Variants in ITPR3 observed in about 807,000 individuals in gnomAD.
ITPR3 encodes inositol 1,4,5-trisphosphate-gated calcium channel ITPR3.
ITPR3 carries 173 observed loss-of-function variants against 293.2 expected under a neutral mutation model. The ratio of observed to expected loss-of-function variants is 0.59; its 90% CI spans 0.52 to 0.67. The LOEUF (loss-of-function observed/expected upper bound fraction) is 0.67. ITPR3 is among the 30% of genes least tolerant of loss of function. The pLI, the probability that ITPR3 is intolerant of heterozygous loss-of-function variation, is 0.00. For missense variants in ITPR3, 2,796 were observed against 3,592.1 expected, an observed-to-expected ratio of 0.78 and a Z score of 5.66; for synonymous variants, 1,295 against 1,444.4, an observed-to-expected ratio of 0.90 and a Z score of 2.35.
Position 33,672,177 on chromosome 6 carries a change from T to G in ITPR3, c.2877T>G (p.Asn959Lys). 1 of 1,613,288 alleles carries G rather than the reference T, an allele frequency of 6.2e-7. No homozygotes were observed. Among genetic ancestry groups the G allele is most frequent in the Non-Finnish European group, 8.5e-7 (1 of 1,179,920 alleles). The change falls in exon 22 of 58, where the codon AAT (asparagine) becomes AAG (lysine). Residue 959 changes from asparagine (N) to lysine (K), a missense_variant. Asn to Lys is a moderately conservative substitution (Grantham distance 94). This residue lies in a region of ITPR3 where 955 missense variants were observed against 1,180.8 expected (regional missense o/e 0.81). Coordinates refer to ENST00000605930, the MANE Select transcript of ITPR3 (RefSeq NM_002224.4). The surrounding 1 kb of genome is among the most constrained non-coding windows in gnomAD (Gnocchi z 5.0). ...EPLDRSKFEENEDIVVMETKL... is the reference protein window; with the variant it reads ...EPLDRSKFEEKEDIVVMETKL... ...TGGACAGAAGCAAGTTTGAGGAGAA[T>G]GAGGACATTGTGGTGATGGAGACCA...
Position 33,686,456 on chromosome 6 carries a change from A to G in ITPR3, c.5916A>G (p.Ala1972=). The change falls in exon 43 of 58, where the codon GCA becomes GCG. Residue 1972 remains alanine (A), a synonymous_variant. Coordinates refer to ENST00000605930, the MANE Select transcript of ITPR3 (RefSeq NM_002224.4). ...CCAATGGCATAGACATCATCACCGC[A>G]CTGATCCTCAATGACATCAGCCCCC... ...HESNGIDIIT[A]LILNDISPLC... 6.2e-7 allele frequency: 1 copy of G among 1,614,200 alleles called. No homozygotes were observed. The highest frequency in any genetic ancestry group is 8.5e-7 in the Non-Finnish European group (1 of 1,180,048).
At chr6:33,643,195 C>T (rs1301592323) in intron 2 of ITPR3, among the ~76,000 whole-genome samples, 3 of 152,174 alleles carry the variant, frequency 2.0e-5, no homozygotes, top group Non-Finnish European at 4.4e-5. Context: ...TCAGAAATGG[C>T]CTTGTCCTGA....
rs200309311 is a variant in ITPR3 at position 33,673,412 on chromosome 6, G to GT, written c.2929-175dup. ...CCCTGGGCCTGGGGAGAGGGGTCTT[G>GT]TTTTCTTGCTGTGACATCCTGGAGC... On this transcript the variant is annotated intron_variant, in intron 22 of 57. Transcript: ENST00000605930. Among the ~76,000 whole-genome samples the GT allele has an allele frequency of 0.042, 5,581 of 133,730 alleles. 328 individuals are homozygous for GT. The highest frequency in any genetic ancestry group is 0.14 in the African/African-American group (4,957 of 35,740). The allele number at this position is 133,730 out of a possible 152,430, so 87.7% of individuals were successfully genotyped here.
chr6:33,662,581 C>G lies in ITPR3; in HGVS notation c.765C>G (p.Asp255Glu), dbSNP rs754087200. Residue 255 changes from aspartate to glutamate, a missense_variant, in exon 8 of 58, where the codon GAC becomes GAG. Physicochemically the swap from Asp to Glu is conservative, Grantham distance 45. Coordinates refer to ENST00000605930, the MANE Select transcript of ITPR3 (RefSeq NM_002224.4). ...AGCAGGAGAAGTTCCTGACGTGTGA[C>G]GAGTACAAGGGCAAGCTGCAGGTGT... is the stretch of plus-strand genomic sequence containing the variant. ...HAEQEKFLTC[D>E]EYKGKLQVFL... 1.2e-6 allele frequency: 2 copies of G among 1,611,736 alleles called. No homozygotes were observed. Among genetic ancestry groups the G allele is most frequent in the Non-Finnish European group, 1.7e-6 (2 of 1,179,552 alleles).
In ITPR3 at chr6:33,687,284, G is replaced by T; in HGVS notation, c.6134G>T (p.Ser2045Ile). The T allele has an allele frequency of 6.2e-7, 1 of 1,613,768 alleles. No individual in the cohort carries two copies. Among genetic ancestry groups the T allele is most frequent in the Non-Finnish European group, 8.5e-7 (1 of 1,179,804 alleles). ...GAAGAGCGTGAGAACTCGGAGGTGA[G>T]CCCACGTGAAGTGGGCCATAACATC... Reference protein sequence around the residue: ...QEEERENSEVSPREVGHNIYI... With the variant: ...QEEERENSEVIPREVGHNIYI... The change falls in exon 45 of 58, where the codon AGC becomes ATC. Residue 2045 changes from serine (S) to isoleucine (I), a missense_variant. By Grantham distance (142) the Ser-to-Ile change is moderately radical. Transcript: ENST00000605930. The surrounding 1 kb of genome is among the most constrained non-coding windows in gnomAD (Gnocchi z 5.3).
intron 2 of ITPR3, among the ~76,000 whole-genome samples, chr6:33,650,141 C>T (rs1368066116): frequency 6.6e-6 from 1 of 152,188 alleles, no homozygotes; most frequent in Non-Finnish European, 1.5e-5. Flanking sequence ...CTCCTGGCTA[C>T]CCATCCACCC....
Position 33,658,819 on chromosome 6 carries a change from C to G in ITPR3, c.519C>G (p.Asn173Lys), listed in dbSNP as rs777573832. 6.2e-7 allele frequency: 1 copy of G among 1,614,060 alleles called. No individual in the cohort carries two copies. The highest frequency in any genetic ancestry group is 8.5e-7 in the Non-Finnish European group (1 of 1,180,004). ...FIQPFWKLRS[N>K]GDNVVVGDKV... Reference sequence around the variant, plus strand: ...AGCCCTTCTGGAAGCTGCGGAGCAACGGGGACAACGTGAGGGCAGGGCCAG... The same window carrying G: ...AGCCCTTCTGGAAGCTGCGGAGCAAGGGGGACAACGTGAGGGCAGGGCCAG... Residue 173 changes from asparagine to lysine, a missense_variant, in exon 5 of 58, where the codon AAC becomes AAG. Asn to Lys is a moderately conservative substitution (Grantham distance 94). This residue lies in a region of ITPR3 where 144 missense variants were observed against 230.8 expected (regional missense o/e 0.62). Coordinates refer to ENST00000605930, the MANE Select transcript of ITPR3 (RefSeq NM_002224.4). This position sits in a 1 kb window ranked among gnomAD's most constrained non-coding sequence, Gnocchi z 6.1.
At chr6:33,630,679 C>G (rs7768401) in intron 1 of ITPR3, among the ~76,000 whole-genome samples, 141,977 of 152,304 alleles carry the variant, frequency 0.93, 66,346 homozygotes, top group East Asian at 0.98. Context: ...GGGTGGCACA[C>G]TGGCCCCGAC....
rs1187532051 is a variant in ITPR3 at position 33,624,783 on chromosome 6, GGGCCA to G, written c.89+3095_89+3099del. On this transcript the variant is annotated intron_variant, in intron 1 of 57. Transcript: ENST00000605930. The surrounding 1 kb of genome is among the most constrained non-coding windows in gnomAD (Gnocchi z 4.7). ...GCAGGGGTGGCCTTGGTGGGCAGAT[GGGCCA>G]GGTCACCTGGGAGATGGGAAGGGGG... 6.6e-6 allele frequency among the ~76,000 whole-genome samples: 1 copy of G among 152,236 alleles called. No homozygotes were observed. Among genetic ancestry groups the G allele is most frequent in the Non-Finnish European group, 1.5e-5 (1 of 68,040 alleles).
Position 33,624,629 on chromosome 6 carries a change from G to A in ITPR3, c.89+2938G>A, listed in dbSNP as rs1174743550. ...AACTCTGGTCCCCTCTGCTTTTCCC[G>A]AGGCTGTTGGTGCCCATGTCTGTGA... On this transcript the variant is annotated intron_variant, in intron 1 of 57. Transcript: ENST00000605930. The surrounding 1 kb of genome is among the most constrained non-coding windows in gnomAD (Gnocchi z 4.7). 6.6e-6 allele frequency among the ~76,000 whole-genome samples: 1 copy of A among 152,218 alleles called. No homozygotes were observed. The highest frequency in any genetic ancestry group is 1.5e-5 in the Non-Finnish European group (1 of 68,040).
Position 33,669,079 on chromosome 6 carries a change from TGAG to T in ITPR3, c.2113_2115del (p.Glu705del). On this transcript the variant is annotated inframe_deletion, in exon 18 of 58. Transcript: ENST00000605930. ...GGACTGACAAGAATAACGAGCATCA[TGAG>T]AAGAGTGTGAGGCAGCTGGCCCAGG... 3.1e-6 allele frequency: 5 copies of T among 1,614,172 alleles called. No homozygotes were observed. The highest frequency in any genetic ancestry group is 4.2e-6 in the Non-Finnish European group (5 of 1,180,024).
chr6:33,693,703 A>C lies in ITPR3; in HGVS notation c.7783A>C (p.Lys2595Gln), dbSNP rs761434165. ...GPESYVAQMI[K>Q]NKNLDWFPRM... Reference sequence around the variant, plus strand: ...TGAGAGCTACGTGGCCCAGATGATCAAGGTGTGAGCAGGGGCTGTGCCAGG... The same window carrying C: ...TGAGAGCTACGTGGCCCAGATGATCCAGGTGTGAGCAGGGGCTGTGCCAGG... The change falls in exon 56 of 58, where the codon AAG (lysine) becomes CAG (glutamine). Residue 2595 changes from lysine to glutamine, a missense_variant and splice_region_variant. Physicochemically the swap from Lys to Gln is moderately conservative, Grantham distance 53. Around this residue, in one of 8 missense-constraint regions of ITPR3, gnomAD observed 568 missense variants for 796.1 expected, o/e 0.71. Coordinates refer to ENST00000605930, the MANE Select transcript of ITPR3 (RefSeq NM_002224.4). 5.0e-6 allele frequency: 8 copies of C among 1,614,008 alleles called. No individual in the cohort carries two copies. In the East Asian group the frequency reaches 1.3e-4, roughly 27 times the overall value.
chr6:33,672,653 G>A lies in ITPR3; in HGVS notation c.2928+425G>A, dbSNP rs1561870588. Among the ~76,000 whole-genome samples, 1 of 152,176 alleles carries A rather than the reference G, an allele frequency of 6.6e-6. No homozygotes were observed. Among genetic ancestry groups the A allele is most frequent in the Non-Finnish European group, 1.5e-5 (1 of 68,030 alleles). On this transcript the variant is annotated intron_variant, in intron 22 of 57. Coordinates refer to ENST00000605930, the MANE Select transcript of ITPR3 (RefSeq NM_002224.4). This position sits in a 1 kb window ranked among gnomAD's most constrained non-coding sequence, Gnocchi z 5.0. ...GTCAGGAACACTGGAGAGGGGCCCT[G>A]TGGGCTGTGTTGTGACAAACCCTCC...
intron 29 of ITPR3, 38 bp from the exon 30 acceptor site, chr6:33,678,601 G>A (rs1764977808): frequency 6.4e-7 from 1 of 1,572,478 alleles, no homozygotes; most frequent in Non-Finnish European, 8.7e-7. Flanking sequence ...GTGGGGGCGG[G>A]GCCCAGATCT....
chr6:33,692,808 T>C lies in ITPR3; in HGVS notation c.7539T>C (p.Phe2513=), dbSNP rs751053558. The C allele has an allele frequency of 6.2e-7, 1 of 1,614,140 alleles. No homozygotes were observed. The highest frequency in any genetic ancestry group is 1.1e-5 in the South Asian group (1 of 91,076). The change falls in exon 55 of 58, where the codon TTT becomes TTC. Residue 2513 remains phenylalanine (F), a synonymous_variant. Transcript: ENST00000605930. The surrounding 1 kb of genome is among the most constrained non-coding windows in gnomAD (Gnocchi z 4.2). The part of the protein sequence containing the change: ...IVIIIVLNLI[F]GVIIDTFADL... ...TCATCATTGTGCTGAACCTCATCTT[T>C]GGGGTAATCATCGACACCTTCGCTG... is the stretch of plus-strand genomic sequence containing the variant.
Position 33,692,681 on chromosome 6 carries a change from G to T in ITPR3, c.7459-47G>T. ...AACCTGAGTCCTATCTTGCCCCAGTGAATGTGGGGACCACCGGGCCCAGCC... is the reference window on the plus strand; with the variant it reads ...AACCTGAGTCCTATCTTGCCCCAGTTAATGTGGGGACCACCGGGCCCAGCC... On this transcript the variant is annotated intron_variant, in intron 54 of 57. Coordinates refer to ENST00000605930, the MANE Select transcript of ITPR3 (RefSeq NM_002224.4). The surrounding 1 kb of genome is among the most constrained non-coding windows in gnomAD (Gnocchi z 4.2). The T allele has an allele frequency of 6.3e-7, 1 of 1,595,230 alleles. No individual in the cohort carries two copies. Among genetic ancestry groups the T allele is most frequent in the Admixed American group, 1.7e-5 (1 of 59,472 alleles).
Position 33,667,262 on chromosome 6 carries a change from A to G in ITPR3, c.1685A>G (p.His562Arg). ...MFRLCYRVLR[H>R]SQEDYRKNQE... The stretch of plus-strand genomic sequence containing the variant: ...CGCCTGTGCTACCGCGTGTTGCGGC[A>G]TTCCCAGGAGGACTACCGCAAGAAC... The change falls in exon 15 of 58, where the codon CAT becomes CGT. Residue 562 changes from histidine (H) to arginine (R), a missense_variant. By Grantham distance (29) the His-to-Arg change is conservative (BLOSUM62 0). This residue lies in a region of ITPR3 where 955 missense variants were observed against 1,180.8 expected (regional missense o/e 0.81). Coordinates refer to ENST00000605930, the MANE Select transcript of ITPR3 (RefSeq NM_002224.4). This position sits in a 1 kb window ranked among gnomAD's most constrained non-coding sequence, Gnocchi z 4.4. 2 of 1,613,036 alleles carry G rather than the reference A, an allele frequency of 1.2e-6. No homozygotes were observed. The highest frequency in any genetic ancestry group is 1.7e-6 in the Non-Finnish European group (2 of 1,179,906).
Position 33,664,450 on chromosome 6 carries a change from T to C in ITPR3, c.1149-420T>C, listed in dbSNP as rs1384367990. Among the ~76,000 whole-genome samples, 1 of 152,206 alleles carries C rather than the reference T, an allele frequency of 6.6e-6. No individual in the cohort carries two copies. The highest frequency in any genetic ancestry group is 1.5e-5 in the Non-Finnish European group (1 of 68,046). ...GATTTGGTATTCAGATTGTTTTTCA[T>C]TTTAGAAAGGTAAACTTGCATTTTG... On this transcript the variant is annotated intron_variant, in intron 11 of 57. Coordinates refer to ENST00000605930, the MANE Select transcript of ITPR3 (RefSeq NM_002224.4). This position sits in a 1 kb window ranked among gnomAD's most constrained non-coding sequence, Gnocchi z 4.4.
intron 1 of ITPR3, among the ~76,000 whole-genome samples, chr6:33,625,319 T>C (rs988547380): frequency 6.6e-6 from 1 of 152,052 alleles, no homozygotes; most frequent in African/African-American, 2.4e-5. Flanking sequence ...AACCTCAGCC[T>C]CCTGGGTTCA....
Sources: gnomAD v4.1 joint callset for allele counts (sites outside exome capture counted in the v4.1 genomes callset) on GRCh38, gnomAD v4.1.1 for gene constraint, gnomAD v4.1.1 regional missense constraint, Gnocchi (gnomAD v3.1) non-coding constraint, MANE v1.5 for transcripts, NCBI Gene and HGNC (gene_info 2026-07-23, HGNC 2026-07-21) for gene names.